Variants in CTNNA3 observed in about 807,000 individuals in gnomAD.
CTNNA3 encodes the protein catenin alpha 3, also known as catenin alpha-3.
In CTNNA3, 76 loss-of-function variants were observed where a neutral mutation model predicts 95.7. That is an observed-to-expected ratio of 0.79 (90% CI 0.66 to 0.96). The LOEUF (loss-of-function observed/expected upper bound fraction) is 0.96, where lower values mean the gene tolerates loss of function less well. Ranked by LOEUF, CTNNA3 falls within the 40% of genes least tolerant of loss-of-function variation. The probability of loss-of-function intolerance (pLI) is 0.00; values close to 1 mark genes in which losing one functional copy is unlikely to be tolerated. For synonymous variants in CTNNA3, 431 were observed against 374.4 expected, an observed-to-expected ratio of 1.15 and a Z score of -1.74; for missense variants, 1,191 against 1,089.8, an observed-to-expected ratio of 1.09 and a Z score of -1.31.
chr10:67,259,078 T>C (rs1866477513), intron 5 of CTNNA3, among the ~76,000 whole-genome samples: 1 of 152,194 alleles, frequency 6.6e-6, no homozygotes, highest in South Asian at 2.1e-4. Context: ...TCCCCACATA[T>C]TTTCAACCCA....
chr10:66,936,460 GT>G (rs1006286555), intron 7 of CTNNA3, among the ~76,000 whole-genome samples: 2 of 151,972 alleles, frequency 1.3e-5, no homozygotes, highest in Non-Finnish European at 2.9e-5. Flanking sequence ...TTTTCCTGGT[GT>G]TTTTTTGTTT....
intron 9 of CTNNA3, among the ~76,000 whole-genome samples, chr10:66,691,230 C>A (rs904069862): frequency 4.6e-5 from 7 of 152,124 alleles, no homozygotes; most frequent in Non-Finnish European, 8.8e-5. Context: ...ACAGACGGCA[C>A]CTGGAAAATC....
intron 12 of CTNNA3, among the ~76,000 whole-genome samples, chr10:66,292,029 CAT>C (rs1006483309): frequency 6.6e-6 from 1 of 151,328 alleles, no homozygotes; most frequent in African/African-American, 2.4e-5. Context: ...CACATACACA[CAT>C]GTATACACAC....
rs964656931 is a variant in CTNNA3, at chr10:66,973,985, C to T, written c.1048-198461G>A. Reference sequence around the variant, plus strand: ...CATAAAACAAAATGCATAAAGTATACGGTTTAATAGGTTTTACCAACTGTA... The same window carrying T: ...CATAAAACAAAATGCATAAAGTATATGGTTTAATAGGTTTTACCAACTGTA... On this transcript the variant is annotated intron_variant, in intron 7 of 17. Coordinates refer to ENST00000433211, the MANE Select transcript of CTNNA3 (RefSeq NM_013266.4). Among the ~76,000 whole-genome samples, 8 of 152,224 alleles carry T rather than the reference C, an allele frequency of 5.3e-5. No homozygotes were observed. In the East Asian group the frequency reaches 7.7e-4, roughly 15 times the overall value.
At chr10:66,954,670 A>T (rs149914203) in intron 7 of CTNNA3, among the ~76,000 whole-genome samples, 17 of 152,316 alleles carry the variant, frequency 1.1e-4, no homozygotes, top group Middle Eastern at 3.4e-3. Flanking sequence ...ATTTGGATTA[A>T]AATCCAATGT....
chr10:67,572,338 G>T (rs946664704), intron 3 of CTNNA3, among the ~76,000 whole-genome samples: 3 of 152,152 alleles, frequency 2.0e-5, no homozygotes, highest in Non-Finnish European at 4.4e-5. Context: ...CCCATAGGAG[G>T]TCTGGAGAGT....
At chr10:66,482,624 G>A (rs372070596) in intron 11 of CTNNA3, among the ~76,000 whole-genome samples, 3 of 151,888 alleles carry the variant, frequency 2.0e-5, no homozygotes, top group Non-Finnish European at 2.9e-5. Flanking sequence ...ACCTGTATAC[G>A]ATTGCTTTTT....
intron 7 of CTNNA3, among the ~76,000 whole-genome samples, chr10:66,929,506 C>T (rs1346240076): frequency 6.6e-6 from 1 of 152,196 alleles, no homozygotes; most frequent in Non-Finnish European, 1.5e-5. Context: ...ATGACAGACA[C>T]TTCATTCAGA....
At chr10:66,934,376 C>T (rs1202027925) in intron 7 of CTNNA3, among the ~76,000 whole-genome samples, 1 of 151,976 alleles carries the variant, frequency 6.6e-6, no homozygotes, top group African/African-American at 2.4e-5. Flanking sequence ...ATTCCTATAT[C>T]ACCAAAAAAT....
rs539686074 is a variant in CTNNA3, at chr10:65,975,159, A to G, written c.2266-8413T>C. 2.0e-5 allele frequency among the ~76,000 whole-genome samples: 3 copies of G among 152,292 alleles called. No individual in the cohort carries two copies. The East Asian group carries it at 5.8e-4, about 29-fold the overall frequency. On this transcript the variant is annotated intron_variant, in intron 16 of 17. Coordinates refer to ENST00000433211, the MANE Select transcript of CTNNA3 (RefSeq NM_013266.4). ...TAATAATCAACAAAGGTAGCAAAGA[A>G]TTCAACTCTTCTGCAGAAATACTAT... is the stretch of plus-strand genomic sequence containing the variant.
At chr10:66,978,939 C>T (rs1474586482) in intron 7 of CTNNA3, among the ~76,000 whole-genome samples, 2 of 149,736 alleles carry the variant, frequency 1.3e-5, no homozygotes, top group Non-Finnish European at 3.0e-5. Context: ...GTTAAATAGC[C>T]ACTCCTCACA....
intron 7 of CTNNA3, among the ~76,000 whole-genome samples, chr10:67,071,895 T>C (rs1251637574): frequency 1.3e-5 from 2 of 152,214 alleles, no homozygotes; most frequent in Non-Finnish European, 2.9e-5. Flanking sequence ...ACTCTTAATT[T>C]CAGATAGAGG....
chr10:67,249,344 C>T (rs1304119856), intron 5 of CTNNA3, among the ~76,000 whole-genome samples: 1 of 152,024 alleles, frequency 6.6e-6, no homozygotes, highest in African/African-American at 2.4e-5. Flanking sequence ...GTTCCAGGAC[C>T]CTCATGGAAA....
intron 5 of CTNNA3, among the ~76,000 whole-genome samples, chr10:67,332,850 A>C (rs2620927): frequency 0.74 from 112,439 of 152,048 alleles, 44,574 homozygotes; most frequent in Non-Finnish European, 0.88. Context: ...CCTCTGAAAG[A>C]TTTTTCCTAC....
chr10:67,158,238 G>C (rs1396121807), intron 7 of CTNNA3, among the ~76,000 whole-genome samples: 1 of 151,972 alleles, frequency 6.6e-6, no homozygotes, highest in Non-Finnish European at 1.5e-5. Context: ...CATAGCCATA[G>C]GTAATTGGAA....
intron 5 of CTNNA3, among the ~76,000 whole-genome samples, chr10:67,457,466 T>C (rs1223280309): frequency 6.6e-6 from 1 of 152,194 alleles, no homozygotes; most frequent in African/African-American, 2.4e-5. Context: ...TAAGAATCTT[T>C]CTTAACTGCT....
chr10:67,699,469 T>C (rs1179316269), upstream of CTNNA3, among the ~76,000 whole-genome samples: 3 of 152,222 alleles, frequency 2.0e-5, no homozygotes, highest in African/African-American at 7.2e-5. Flanking sequence ...ATGAGATCTT[T>C]AAATGACATA....
chr10:66,903,856 C>A (rs1286675583), intron 7 of CTNNA3, among the ~76,000 whole-genome samples: 2 of 152,158 alleles, frequency 1.3e-5, no homozygotes, highest in Non-Finnish European at 2.9e-5. Flanking sequence ...GAACTACAAA[C>A]CACTGCTCAA....
chr10:66,178,863 A>C (rs1462723030), intron 13 of CTNNA3, among the ~76,000 whole-genome samples: 2 of 151,978 alleles, frequency 1.3e-5, no homozygotes, highest in Non-Finnish European at 1.5e-5. Flanking sequence ...ATATCATTAC[A>C]TACCTATCAG....
Sources: gnomAD v4.1 joint callset for allele counts (sites outside exome capture counted in the v4.1 genomes callset) on GRCh38, gnomAD v4.1.1 for gene constraint, MANE v1.5 for transcripts, NCBI Gene and HGNC (gene_info 2026-07-23, HGNC 2026-07-21) for gene names.